PDE10A: variants seen among roughly 807,000 people sequenced by gnomAD.
The protein encoded by PDE10A is phosphodiesterase 10A.
PDE10A carries 39 observed loss-of-function variants against 97.7 expected under a neutral mutation model. That is an observed-to-expected ratio of 0.40 (90% CI 0.31 to 0.52). PDE10A has a LOEUF of 0.52. Among genes scored for constraint, PDE10A ranks in the 20% least tolerant of loss-of-function variants. The pLI is 0.56. For missense variants in PDE10A, 731 were observed against 1,047.8 expected (o/e 0.70, Z 4.17); for synonymous variants, 371 against 376.8 (o/e 0.98, Z 0.18).
intron 1 of PDE10A, among the ~76,000 whole-genome samples, chr6:165,936,695 T>C (rs1480917669): frequency 6.6e-6 from 1 of 152,052 alleles, no homozygotes; most frequent in East Asian, 1.9e-4. Context: ...AGGAAGATGG[T>C]GATTCTTAAA....
intron 1 of PDE10A, among the ~76,000 whole-genome samples, chr6:165,630,494 A>G (rs1008061051): frequency 2.0e-5 from 3 of 152,220 alleles, no homozygotes; most frequent in African/African-American, 7.2e-5. Context: ...AACTGCAATT[A>G]TGTCAAAAAA....
intron 18 of PDE10A, among the ~76,000 whole-genome samples, chr6:165,364,999 T>G (rs1220602591): frequency 6.6e-6 from 1 of 151,976 alleles, no homozygotes; most frequent in Non-Finnish European, 1.5e-5. Context: ...TCATTACTAT[T>G]CAATCAGAGA....
chr6:165,840,667 A>G (rs1027888031), intron 1 of PDE10A, among the ~76,000 whole-genome samples: 2 of 152,238 alleles, frequency 1.3e-5, no homozygotes, highest in Admixed American at 1.3e-4. Context: ...ACTGTAGGAC[A>G]CAGCACTCGA....
At chr6:165,459,899 G>A (rs536714011) in intron 3 of PDE10A, among the ~76,000 whole-genome samples, 2 of 152,158 alleles carry the variant, frequency 1.3e-5, no homozygotes, top group Admixed American at 6.5e-5. Flanking sequence ...GAGTCAGGCC[G>A]CCAGATAGGG....
intron 1 of PDE10A, among the ~76,000 whole-genome samples, chr6:165,771,607 C>A (rs1778011534): frequency 6.7e-6 from 1 of 149,626 alleles, no homozygotes; most frequent in Non-Finnish European, 1.5e-5. Context: ...GAAAAATCCA[C>A]TCCAAAATCC....
intron 2 of PDE10A, among the ~76,000 whole-genome samples, chr6:165,526,477 T>TG (rs1782455131): frequency 6.6e-6 from 1 of 152,218 alleles, no homozygotes; most frequent in South Asian, 2.1e-4. Context: ...CCATTAGAGC[T>TG]GCTTCTAGCT....
intron 2 of PDE10A, among the ~76,000 whole-genome samples, chr6:165,498,294 T>C (rs1039614465): frequency 1.3e-5 from 2 of 150,884 alleles, no homozygotes; most frequent in Non-Finnish European, 3.0e-5. Context: ...CCTATAGTCC[T>C]GGCTATTCAA....
chr6:165,924,132 C>T (rs886257671), intron 1 of PDE10A, among the ~76,000 whole-genome samples: 10 of 152,148 alleles, frequency 6.6e-5, no homozygotes, highest in Non-Finnish European at 1.2e-4. Context: ...GGGTATAACT[C>T]GTTGTTTCCG....
In PDE10A at chr6:165,482,336, T is replaced by C. The variant is rs9459421; in HGVS notation, c.1002A>G (p.Ser334=). 115,732 of 1,595,812 alleles carry C rather than the reference T, an allele frequency of 0.073. 5,806 individuals carry two copies. Among genetic ancestry groups the C allele is most frequent in the East Asian group, 0.27 (11,972 of 44,656 alleles). ...TTACCCTGCTGACTTCCTTAGGAGC[T>C]GATTCATCTGGGGATAGAGAAGGAA... ...KRKNNKSEDE[S]APKEVSRYQD... The change falls in exon 3 of 22, where the codon TCA becomes TCG. Residue 334 remains serine, a synonymous_variant. Transcript: ENST00000539869.
intron 1 of PDE10A, among the ~76,000 whole-genome samples, chr6:165,896,297 G>A (rs1781946377): frequency 6.6e-6 from 1 of 151,772 alleles, no homozygotes; most frequent in South Asian, 2.1e-4. Flanking sequence ...TTCCATGACT[G>A]TCATTTTAGT....
intron 1 of PDE10A, among the ~76,000 whole-genome samples, chr6:165,707,738 T>G (rs1044832375): frequency 1.3e-5 from 2 of 151,898 alleles, no homozygotes; most frequent in African/African-American, 4.8e-5. Flanking sequence ...TATGTGTGAG[T>G]GTGTGTGGGA....
intron 1 of PDE10A, among the ~76,000 whole-genome samples, chr6:165,956,945 C>T (rs1379486386): frequency 6.6e-6 from 1 of 152,230 alleles, no homozygotes; most frequent in African/African-American, 2.4e-5. Context: ...GGAGTGGGGC[C>T]AGCCCAGGGG....
chr6:165,559,876 C>A (rs939373073), intron 1 of PDE10A, among the ~76,000 whole-genome samples: 2 of 152,178 alleles, frequency 1.3e-5, no homozygotes, highest in African/African-American at 2.4e-5. Flanking sequence ...CTTGCCGCCG[C>A]CATGTAAAAA....
At chr6:165,373,002 G>A (rs1784369061) in intron 18 of PDE10A, among the ~76,000 whole-genome samples, 5 of 146,204 alleles carry the variant, frequency 3.4e-5, no homozygotes, top group South Asian at 2.2e-4. Context: ...TTAATAAATG[G>A]TGCTGGGAAA....
chr6:165,456,398 GT>G, intron 3 of PDE10A, among the ~76,000 whole-genome samples: 1 of 152,194 alleles, frequency 6.6e-6, no homozygotes, highest in East Asian at 1.9e-4. Context: ...CTTAAGGGGA[GT>G]TTTCAGTCAT....
chr6:165,574,092 C>T (rs1785186571), intron 1 of PDE10A, among the ~76,000 whole-genome samples: 1 of 152,134 alleles, frequency 6.6e-6, no homozygotes, highest in Non-Finnish European at 1.5e-5. Context: ...AACTGTTCAA[C>T]ATATGGCATT....
At chr6:165,870,205 C>T (rs1400600565) in intron 1 of PDE10A, among the ~76,000 whole-genome samples, 2 of 152,106 alleles carry the variant, frequency 1.3e-5, no homozygotes, top group Admixed American at 1.3e-4. Context: ...ACTCTTCCAA[C>T]CATGGACTAA....
chr6:165,915,703 G>C (rs572592694), intron 1 of PDE10A, among the ~76,000 whole-genome samples: 1 of 152,328 alleles, frequency 6.6e-6, no homozygotes, highest in Non-Finnish European at 1.5e-5. Flanking sequence ...CGTGTCATTT[G>C]ACCTTGGTCC....
intron 18 of PDE10A, among the ~76,000 whole-genome samples, chr6:165,361,124 G>T (rs1783391519): frequency 6.6e-6 from 1 of 152,186 alleles, no homozygotes; most frequent in Non-Finnish European, 1.5e-5. Flanking sequence ...TGTGTACAGA[G>T]ATGCCTAAGC....
Sources: gnomAD v4.1 joint callset for allele counts (sites outside exome capture counted in the v4.1 genomes callset) on GRCh38, gnomAD v4.1.1 for gene constraint, MANE v1.5 for transcripts, NCBI Gene and HGNC (gene_info 2026-07-23, HGNC 2026-07-21) for gene names.